Variants in DSC3 observed in about 807,000 individuals in gnomAD.
DSC3 encodes the protein desmocollin 3.
DSC3 carries 97 observed loss-of-function variants against 89.5 expected under a neutral mutation model. That is an observed-to-expected ratio of 1.08 (90% CI 0.92 to 1.28). DSC3 has a LOEUF of 1.28. Ranked by LOEUF, DSC3 falls within the 50% of genes most tolerant of loss-of-function variation. The pLI is 0.00. For synonymous variants in DSC3, 436 were observed against 384.1 expected (o/e 1.14, Z -1.58); for missense variants, 1,199 against 1,085.3 (o/e 1.10, Z -1.47).
intron 2 of DSC3, among the ~76,000 whole-genome samples, 166 bp from the exon 3 acceptor site, chr18:31,031,338 G>T (rs1370125287): frequency 6.6e-6 from 1 of 152,042 alleles, no homozygotes; most frequent in African/African-American, 2.4e-5. Flanking sequence ...CTTAAAAAAT[G>T]ATCATTTTCT....
chr18:30,998,986 G>T (rs978197155), intron 14 of DSC3, among the ~76,000 whole-genome samples: 1 of 152,164 alleles, frequency 6.6e-6, no homozygotes, highest in African/African-American at 2.4e-5. Flanking sequence ...GAAAAAGAGA[G>T]ATGTGGAGGG....
At chr18:31,033,612 A>T (rs1567962074) in intron 1 of DSC3, among the ~76,000 whole-genome samples, 1 of 152,234 alleles carries the variant, frequency 6.6e-6, no homozygotes, top group East Asian at 1.9e-4. Context: ...TGAACCACAG[A>T]CATAAATGTA....
intron 7 of DSC3, among the ~76,000 whole-genome samples, chr18:31,020,842 G>T (rs1029287134): frequency 6.6e-6 from 1 of 152,016 alleles, no homozygotes; most frequent in South Asian, 2.1e-4. Context: ...CACAGGAGGC[G>T]GAGGTGGGAG....
In DSC3 at chr18:30,990,670, T is replaced by C. The variant is rs778246784; in HGVS notation, c.*3505A>G. The C allele has an allele frequency of 6.6e-6, 1 of 152,202 alleles. No individual in the cohort carries two copies. Among genetic ancestry groups the C allele is most frequent in the Non-Finnish European group, 1.5e-5 (1 of 68,038 alleles). 9.4% of individuals were successfully genotyped at this position (152,202 alleles called of 1,614,324 possible). A position where few individuals can be genotyped will look rare whatever the true frequency, so the allele number is the denominator to read the frequency against. ...GTTATCTATCCTGTAAGTGGCAGAA[T>C]CAAGACTGCAATATCGCCTGCTTTT... On this transcript the variant is annotated 3_prime_UTR_variant, in exon 16 of 16. Coordinates refer to ENST00000360428, the MANE Select transcript of DSC3 (RefSeq NM_001941.5).
At chr18:31,042,467 C>A in intron 1 of DSC3, 125 bp downstream of exon 1, 1 of 974,638 alleles carries the variant, frequency 1.0e-6, no homozygotes, top group Non-Finnish European at 1.6e-6. Context: ...TGCTACCAGA[C>A]CCGCAGCATT....
intron 1 of DSC3, among the ~76,000 whole-genome samples, chr18:31,041,475 G>C (rs1319430955): frequency 6.6e-6 from 1 of 152,132 alleles, no homozygotes; most frequent in Non-Finnish European, 1.5e-5. Flanking sequence ...GACAACCCTT[G>C]GACCCACTCC....
In DSC3 at chr18:30,993,320, G is replaced by A. The variant is rs1268839118; in HGVS notation, c.*855C>T. 6.6e-6 allele frequency: 1 copy of A among 152,162 alleles called. No individual in the cohort carries two copies. Among genetic ancestry groups the A allele is most frequent in the Non-Finnish European group, 1.5e-5 (1 of 68,038 alleles). 9.4% of individuals were successfully genotyped at this position (152,162 alleles called of 1,614,324 possible). On this transcript the variant is annotated 3_prime_UTR_variant, in exon 16 of 16. Transcript: ENST00000360428. ...CAGAAATCTTGAAACAGACTGCAAA[G>A]CAAAGCTACTGTTCCATTGGATTCC...
At chr18:31,001,595 A>G (rs1313580) in intron 14 of DSC3, 23 bp downstream of exon 14, 7 of 1,606,924 alleles carry the variant, frequency 4.4e-6, no homozygotes, top group East Asian at 4.5e-5. Context: ...ATACAAATAC[A>G]TATTTATTTA....
Position 30,994,209 on chromosome 18 carries a change from A to C in DSC3, c.2657T>G (p.Phe886Cys), listed in dbSNP as rs1027670578. Reference sequence around the variant, plus strand: ...TGTGCATGCTTCTGCTAATGTAATAAATTTGGGTTCCAAATTATTTAAAAA... The same window carrying C: ...TGTGCATGCTTCTGCTAATGTAATACATTTGGGTTCCAAATTATTTAAAAA... ...LDFLNNLEPK[F>C]ITLAEACTKR Residue 886 changes from phenylalanine to cysteine, a missense_variant, in exon 16 of 16, where the codon TTT (phenylalanine) becomes TGT (cysteine). Coordinates refer to ENST00000360428, the MANE Select transcript of DSC3 (RefSeq NM_001941.5). 1.2e-6 allele frequency: 2 copies of C among 1,614,058 alleles called. No individual in the cohort carries two copies. Among genetic ancestry groups the C allele is most frequent in the Non-Finnish European group, 1.7e-6 (2 of 1,179,968 alleles).
intron 4 of DSC3, among the ~76,000 whole-genome samples, chr18:31,029,009 G>A (rs1183396515): frequency 6.6e-6 from 1 of 151,908 alleles, no homozygotes; most frequent in Non-Finnish European, 1.5e-5. Flanking sequence ...CATTCTTCAG[G>A]ACTCTACTCA....
At chr18:31,042,137 C>A (rs1226718352) in intron 1 of DSC3, among the ~76,000 whole-genome samples, 1 of 152,156 alleles carries the variant, frequency 6.6e-6, no homozygotes, top group African/African-American at 2.4e-5. Context: ...ACGAACCAAT[C>A]CGGGTCAACT....
At chr18:31,001,826 A>G (rs1212243549) in intron 13 of DSC3, 87 bp from the exon 14 acceptor site, 3 of 1,115,560 alleles carry the variant, frequency 2.7e-6, no homozygotes, top group Non-Finnish European at 3.7e-6. Context: ...CCTAAGGATC[A>G]AAGTGGAAAA....
chr18:31,000,090 C>G (rs571366740), intron 14 of DSC3, among the ~76,000 whole-genome samples: 1 of 151,908 alleles, frequency 6.6e-6, no homozygotes, highest in Admixed American at 6.6e-5. Context: ...CATGTAGGCA[C>G]GTCAAGCATA....
rs146888660 is a variant in DSC3, at chr18:31,038,588, G to T, written c.69+4004C>A. 5.3e-3 allele frequency among the ~76,000 whole-genome samples: 801 copies of T among 151,898 alleles called. 7 individuals carry two copies. The highest frequency in any genetic ancestry group is 0.019 in the African/African-American group (780 of 41,440). ...TGTATGCCTTTTCTATTTTTGACTT[G>T]CTCAGAGTAGGGTTTGTCTATACTC... is the stretch of plus-strand genomic sequence containing the variant. On this transcript the variant is annotated intron_variant, in intron 1 of 15. Transcript: ENST00000360428.
chr18:31,018,052 C>A lies in DSC3; in HGVS notation c.1263+19G>T, dbSNP rs1985291212. ...AAAACCTGTTAATTTGCTAAGTTGT[C>A]AATTATACATTACTGTACCTTTACA... On this transcript the variant is annotated intron_variant, in intron 9 of 15. Transcript: ENST00000360428. 10 of 1,600,648 alleles carry A rather than the reference C, an allele frequency of 6.2e-6. No homozygotes were observed. Among genetic ancestry groups the A allele is most frequent in the South Asian group, 2.2e-5 (2 of 89,558 alleles).
intron 6 of DSC3, 21 bp downstream of exon 6, chr18:31,024,328 T>G: frequency 1.9e-6 from 3 of 1,553,334 alleles, no homozygotes; most frequent in Non-Finnish European, 2.6e-6. Context: ...TGATTCTTTT[T>G]ATTCTTAAAA....
At chr18:31,007,895 A>G (rs1984908907) in intron 11 of DSC3, 121 bp downstream of exon 11, 1 of 897,898 alleles carries the variant, frequency 1.1e-6, no homozygotes. Flanking sequence ...AGACAGAAAG[A>G]GTCTTTAAAG....
Position 30,989,798 on chromosome 18 carries a change from G to A in DSC3, c.*4377C>T, listed in dbSNP as rs1343318044. Among the ~76,000 whole-genome samples the A allele has an allele frequency of 2.6e-5, 4 of 152,100 alleles. No homozygotes were observed. Among genetic ancestry groups the A allele is most frequent in the Non-Finnish European group, 5.9e-5 (4 of 68,022 alleles). ...AATAATATAAGAGCCAAAATAAACT[G>A]TCTAAGCTGGTATTAACCTTTTTCT... On this transcript the variant is annotated 3_prime_UTR_variant, in exon 16 of 16. Coordinates refer to ENST00000360428, the MANE Select transcript of DSC3 (RefSeq NM_001941.5).
chr18:30,995,997 A>AGAAAG lies in DSC3; in HGVS notation c.2493+793_2493+794insCTTTC, dbSNP rs34628062. 7.0e-4 allele frequency among the ~76,000 whole-genome samples: 82 copies of AGAAAG among 117,638 alleles called. 4 individuals carry two copies. Among genetic ancestry groups the AGAAAG allele is most frequent in the African/African-American group, 3.1e-3 (78 of 25,528 alleles). 77.2% of individuals were successfully genotyped at this position (117,638 alleles called of 152,430 possible). The stretch of plus-strand genomic sequence containing the variant: ...AAAAAAAAAAAAAAAAAAAAAAAAA[A>AGAAAG]AAGAAAAGAAAGAAAAAAGCTTCTG... On this transcript the variant is annotated intron_variant, in intron 15 of 15. Coordinates refer to ENST00000360428, the MANE Select transcript of DSC3 (RefSeq NM_001941.5).
Sources: allele counts gnomAD v4.1 joint callset (sites outside exome capture counted in the v4.1 genomes callset), GRCh38; gene constraint gnomAD v4.1.1; transcripts MANE v1.5; gene names NCBI Gene and HGNC (gene_info 2026-07-23, HGNC 2026-07-21).